DNAH5: variants seen among roughly 807,000 people sequenced by gnomAD.
DNAH5 encodes axonemal beta dynein heavy chain 5.
In DNAH5, 372 loss-of-function variants were observed where a neutral mutation model predicts 518.2. The ratio of observed to expected loss-of-function variants is 0.72; its 90% CI spans 0.66 to 0.78. DNAH5 has a LOEUF of 0.78. Ranked by LOEUF, DNAH5 falls within the 30% of genes least tolerant of loss-of-function variation. DNAH5 has a pLI of 0.00. For synonymous variants in DNAH5, 2,039 were observed against 2,025.9 expected (o/e 1.01, Z -0.17); for missense variants, 5,523 against 5,687.0 (o/e 0.97, Z 0.93).
rs61747551 is a variant in DNAH5 at position 13,864,620 on chromosome 5, C to T, written c.4373G>A (p.Arg1458Gln). 958 of 1,614,026 alleles carry T rather than the reference C, an allele frequency of 5.9e-4. 6 individuals carry two copies. In the African/African-American group the frequency reaches 0.01, roughly 17 times the overall value. Residue 1458 changes from arginine (R) to glutamine (Q), a missense_variant, in exon 28 of 79, where the codon CGG (arginine) becomes CAG (glutamine). Arg to Gln is a conservative substitution (Grantham distance 43). Transcript: ENST00000265104. ...AAAAGCCTGCCAGTCCTTCAAGGCC[C>T]GGGGAAGCTTTCGACATCTGTGAAG... The part of the protein sequence containing the change: ...EFQNRCRKLP[R>Q]ALKDWQAFLD...
rs767274970 is a variant in DNAH5, at chr5:13,829,689, C to T, written c.6265G>A (p.Gly2089Arg). ...LFLTMNPGYA[G>R]RQELPENLKI... ...AAGTTTTCAGGGAGTTCCTGCCGTCCGGCATAGCCAGGATTCTAAACAGAA... is the reference window on the plus strand; with the variant it reads ...AAGTTTTCAGGGAGTTCCTGCCGTCTGGCATAGCCAGGATTCTAAACAGAA... Residue 2089 changes from glycine (G) to arginine (R), a missense_variant, in exon 38 of 79, where the codon GGA becomes AGA. Physicochemically the swap from Gly to Arg is moderately radical, Grantham distance 125. Coordinates refer to ENST00000265104, the MANE Select transcript of DNAH5 (RefSeq NM_001369.3). 6 of 1,613,954 alleles carry T rather than the reference C, an allele frequency of 3.7e-6. No homozygotes were observed. In the South Asian group the frequency reaches 4.4e-5, roughly 12 times the overall value.
intron 1 of DNAH5, among the ~76,000 whole-genome samples, chr5:13,979,375 T>TTTAATG (rs1406571220): frequency 6.6e-6 from 1 of 152,116 alleles, no homozygotes; most frequent in East Asian, 1.9e-4. Context: ...AATGTGTTGG[T>TTTAATG]TTAATGTTAT....
chr5:13,760,707 T>C (rs540231587), intron 60 of DNAH5, among the ~76,000 whole-genome samples: 25 of 152,330 alleles, frequency 1.6e-4, no homozygotes, highest in African/African-American at 5.8e-4. Flanking sequence ...AGCTCCTCAG[T>C]GTGTCCATTA....
Position 13,721,229 on chromosome 5 carries a change from A to C in DNAH5, c.12050T>G (p.Val4017Gly), listed in dbSNP as rs1212780156. 6.2e-7 allele frequency: 1 copy of C among 1,614,024 alleles called. No individual in the cohort carries two copies. The highest frequency in any genetic ancestry group is 1.3e-5 in the African/African-American group (1 of 74,930). Residue 4017 changes from valine to glycine, a missense_variant, in exon 71 of 79, where the codon GTG becomes GGG. Around this residue, in one of 3 missense-constraint regions of DNAH5, gnomAD observed 5,121 missense variants for 5,223.3 expected, o/e 0.98. Coordinates refer to ENST00000265104, the MANE Select transcript of DNAH5 (RefSeq NM_001369.3). The part of the protein sequence containing the change: ...RTIAQARKYI[V>G]DSMGEKYAEG... Reference sequence around the variant, plus strand: ...GGCATATTTTTCTCCCATGGAGTCCACGATGTACTTGCGGGCCTGCCAAAA... The same window carrying C: ...GGCATATTTTTCTCCCATGGAGTCCCCGATGTACTTGCGGGCCTGCCAAAA...
At chr5:13,901,668 A>AT (rs1188721493) in intron 13 of DNAH5, 95 bp from the exon 14 acceptor site, 16 of 751,960 alleles carry the variant, frequency 2.1e-5, no homozygotes, top group Non-Finnish European at 2.2e-5. Flanking sequence ...ATTAATATTT[A>AT]TTTTTTAAAA....
chr5:13,778,600 G>GAAAGAA (rs1272994718), intron 53 of DNAH5, among the ~76,000 whole-genome samples: 154 of 72,884 alleles, frequency 2.1e-3, no homozygotes, highest in African/African-American at 3.4e-3. Flanking sequence ...GAAAGAAAGA[G>GAAAGAA]AGAGAGAAAG....
At chr5:13,969,775 T>C (rs1781754363) in intron 1 of DNAH5, among the ~76,000 whole-genome samples, 1 of 152,210 alleles carries the variant, frequency 6.6e-6, no homozygotes, top group African/African-American at 2.4e-5. Context: ...ATAGAATGTA[T>C]AATCTGTAGT....
At chr5:13,741,235 T>C (rs1365411792) in intron 65 of DNAH5, among the ~76,000 whole-genome samples, 1 of 152,178 alleles carries the variant, frequency 6.6e-6, no homozygotes, top group Non-Finnish European at 1.5e-5. Flanking sequence ...AGCCAGTTAA[T>C]CACCACTGAT....
rs143894811 is a variant in DNAH5 at position 13,830,729 on chromosome 5, C to A, written c.5929G>T (p.Ala1977Ser). 6.2e-7 allele frequency: 1 copy of A among 1,614,128 alleles called. No individual in the cohort carries two copies. Among genetic ancestry groups the A allele is most frequent in the Admixed American group, 1.7e-5 (1 of 60,022 alleles). ...AQALGMSMGG[A>S]PAGPAGTGKT... ...CCTGTGCCTGCAGGTCCAGCAGGGG[C>A]TCCCCCCATGCTCATTCCCAGAGCT... is the stretch of plus-strand genomic sequence containing the variant. The change falls in exon 36 of 79, where the codon GCC (alanine) becomes TCC (serine). Residue 1977 changes from alanine (A) to serine (S), a missense_variant. Physicochemically the swap from Ala to Ser is moderately conservative, Grantham distance 99. Transcript: ENST00000265104.
Position 13,928,096 on chromosome 5 carries a change from G to C in DNAH5, c.275C>G (p.Thr92Arg), listed in dbSNP as rs765566079. 1 of 1,612,404 alleles carries C rather than the reference G, an allele frequency of 6.2e-7. No homozygotes were observed. The highest frequency in any genetic ancestry group is 8.5e-7 in the Non-Finnish European group (1 of 1,178,500). ...TATGTCACATCAAATTCAGATACCT[G>C]TTTCTGCTTCCTCCACATCTTGATA... ...FYYQDVEEAE[T>R]GQLGSLGGVN... is the part of the protein sequence containing the mutation. The change falls in exon 3 of 79, where the codon ACA becomes AGA. Residue 92 changes from threonine (T) to arginine (R), a missense_variant and splice_region_variant. Around this residue, in one of 3 missense-constraint regions of DNAH5, gnomAD observed 5,121 missense variants for 5,223.3 expected, o/e 0.98. Transcript: ENST00000265104.
chr5:13,830,286 A>G (rs1290203426), intron 36 of DNAH5, 73 bp from the exon 37 acceptor site: 4 of 1,368,216 alleles, frequency 2.9e-6, no homozygotes, highest in Non-Finnish European at 4.1e-6. Flanking sequence ...GATATTATGT[A>G]GCTGCTAAAA....
At chr5:13,862,795 C>T in intron 28 of DNAH5, 48 bp from the exon 29 acceptor site, 1 of 1,501,648 alleles carries the variant, frequency 6.7e-7, no homozygotes, top group African/African-American at 1.4e-5. Flanking sequence ...GTCACACGTC[C>T]TTCCTTAATA....
chr5:13,819,288 C>G (rs2151811707), intron 41 of DNAH5, among the ~76,000 whole-genome samples: 1 of 152,232 alleles, frequency 6.6e-6, no homozygotes, highest in South Asian at 2.1e-4. Context: ...TTGGAGTGGT[C>G]CATTTTGGTA....
intron 40 of DNAH5, among the ~76,000 whole-genome samples, chr5:13,821,855 C>T (rs951071908): frequency 1.6e-4 from 24 of 151,766 alleles, no homozygotes; most frequent in African/African-American, 5.6e-4. Flanking sequence ...AGTGCAGTGG[C>T]GTGATCACAG....
intron 2 of DNAH5, among the ~76,000 whole-genome samples, chr5:13,930,798 G>A (rs184767641): frequency 2.0e-5 from 3 of 152,326 alleles, no homozygotes; most frequent in East Asian, 3.9e-4. Flanking sequence ...AACTTGAAAC[G>A]AGATTCTGTT....
At chr5:13,885,891 T>C in intron 18 of DNAH5, 73 bp downstream of exon 18, 3 of 1,318,504 alleles carry the variant, frequency 2.3e-6, no homozygotes, top group South Asian at 1.2e-5. Flanking sequence ...TTAATTGGTA[T>C]GTAGAAAATG....
intron 2 of DNAH5, among the ~76,000 whole-genome samples, chr5:13,930,276 C>T (rs1024364984): frequency 7.2e-5 from 11 of 152,122 alleles, no homozygotes; most frequent in Admixed American, 2.0e-4. Flanking sequence ...CTCAACATTT[C>T]GTTAACATGA....
chr5:13,923,256 T>A, intron 4 of DNAH5, 24 bp downstream of exon 4: 1 of 1,614,064 alleles, frequency 6.2e-7, no homozygotes, highest in Non-Finnish European at 8.5e-7. Flanking sequence ...TAATTCAGAG[T>A]AAACAATGGC....
At position 13,796,829 on chromosome 5, in the gene DNAH5, C is replaced by G. The variant is rs897173902; in HGVS notation, c.7888-2771G>C. On this transcript the variant is annotated intron_variant, in intron 47 of 78. Coordinates refer to ENST00000265104, the MANE Select transcript of DNAH5 (RefSeq NM_001369.3). Reference sequence around the variant, plus strand: ...TACAAGGCTACAGTAACCAAAACAGCATGGTACTGGTACCAAAACAGAGAG... The same window carrying G: ...TACAAGGCTACAGTAACCAAAACAGGATGGTACTGGTACCAAAACAGAGAG... Among the ~76,000 whole-genome samples, 163 of 152,312 alleles carry G rather than the reference C, an allele frequency of 1.1e-3. 1 individual carries two copies. Among genetic ancestry groups the G allele is most frequent in the African/African-American group, 3.8e-3 (159 of 41,566 alleles).
Sources: allele counts gnomAD v4.1 joint callset (sites outside exome capture counted in the v4.1 genomes callset), GRCh38; gene constraint gnomAD v4.1.1; regional missense constraint gnomAD v4.1.1; transcripts MANE v1.5; gene names NCBI Gene and HGNC (gene_info 2026-07-23, HGNC 2026-07-21).